The following PKHD1 variants were observed in gnomAD, a reference collection of about 807,000 sequenced individuals.
PKHD1 encodes the protein fibrocystin.
In PKHD1, 291 loss-of-function variants were observed where a neutral mutation model predicts 412.0. That is an observed-to-expected ratio of 0.71 (90% CI 0.64 to 0.78). PKHD1 has a LOEUF of 0.78. PKHD1 is among the 30% of genes least tolerant of loss of function. PKHD1 has a pLI of 0.00. For missense variants in PKHD1, 4,825 were observed against 4,950.7 expected (o/e 0.97, Z 0.76); for synonymous variants, 1,777 against 1,821.5 (o/e 0.98, Z 0.62).
chr6:51,727,915 G>GC (rs1782775717), intron 60 of PKHD1, among the ~76,000 whole-genome samples: 1 of 152,142 alleles, frequency 6.6e-6, no homozygotes, highest in Admixed American at 6.5e-5. Context: ...GTAGGGGAGA[G>GC]CCCTCTTCTG....
chr6:52,039,698 T>A lies in PKHD1; in HGVS notation c.3097+3161A>T, dbSNP rs186540194. On this transcript the variant is annotated intron_variant, in intron 27 of 66. Transcript: ENST00000371117. ...AGCCATTTTGGAAACAGTTTGGCAA[T>A]CCTTCAAGAAGTTAAACATGGAGTT... Among the ~76,000 whole-genome samples the A allele has an allele frequency of 5.3e-5, 8 of 152,366 alleles. No homozygotes were observed. In the East Asian group the frequency reaches 1.3e-3, roughly 26 times the overall value.
At chr6:52,030,273 G>C (rs755557822) in intron 29 of PKHD1, among the ~76,000 whole-genome samples, 1 of 152,188 alleles carries the variant, frequency 6.6e-6, no homozygotes, top group Non-Finnish European at 1.5e-5. Context: ...GACTTTGGGT[G>C]ATTTACTTAC....
rs751304560 is a variant in PKHD1 at position 52,045,011 on chromosome 6, T to A, written c.2670A>T (p.Gly890=). The A allele has an allele frequency of 2.0e-5, 32 of 1,613,600 alleles. No individual in the cohort carries two copies. Among genetic ancestry groups the A allele is most frequent in the Middle Eastern group, 3.3e-4 (2 of 6,084 alleles). The change falls in exon 25 of 67, where the codon GGA becomes GGT. Residue 890 remains glycine, a synonymous_variant. Transcript: ENST00000371117. ...RVVYDGGVFL[G]PIFGDMLATA... The stretch of plus-strand genomic sequence containing the variant: ...TAGCCAACATGTCTCCAAATATGGG[T>A]CCAAGAAAAACTCCACCATCATATA...
Position 51,756,129 on chromosome 6 carries a change from G to A in PKHD1, c.8643-1191C>T, listed in dbSNP as rs1463906283. On this transcript the variant is annotated intron_variant, in intron 55 of 66. Transcript: ENST00000371117. ...ATTAATTCACATCTACGTACCTAAG[G>A]TTGGAGAAAGAGTCATAGAGAAGAC... Among the ~76,000 whole-genome samples the A allele has an allele frequency of 1.3e-5, 2 of 152,168 alleles. 1 individual carries two copies. Among genetic ancestry groups the A allele is most frequent in the South Asian group, 4.2e-4 (2 of 4,814 alleles).
Position 51,845,630 on chromosome 6 carries a change from T to C in PKHD1, c.8107+2145A>G, listed in dbSNP as rs140317420. Among the ~76,000 whole-genome samples, 382 of 152,344 alleles carry C rather than the reference T, an allele frequency of 2.5e-3. 4 individuals carry two copies. Among genetic ancestry groups the C allele is most frequent in the African/African-American group, 8.2e-3 (342 of 41,578 alleles). ...AATAGAAGTGTTTTATACTAAGACA[T>C]TCATTTATATCATACATATGCACAG... On this transcript the variant is annotated intron_variant, in intron 50 of 66. Transcript: ENST00000371117.
intron 53 of PKHD1, among the ~76,000 whole-genome samples, chr6:51,784,965 A>G (rs1423901637): frequency 6.6e-6 from 1 of 152,140 alleles, no homozygotes; most frequent in African/African-American, 2.4e-5. Context: ...TTCCTATTTA[A>G]TTTCTTTCAG....
intron 11 of PKHD1, among the ~76,000 whole-genome samples, chr6:52,067,381 C>T (rs1404940151): frequency 6.6e-6 from 1 of 152,068 alleles, no homozygotes; most frequent in Admixed American, 6.5e-5. Context: ...AGTTCTTAAA[C>T]TTTTAACATA....
chr6:51,765,539 C>A (rs1562262071), intron 55 of PKHD1, among the ~76,000 whole-genome samples: 1 of 152,068 alleles, frequency 6.6e-6, no homozygotes, highest in East Asian at 1.9e-4. Flanking sequence ...TGGTTCCCAC[C>A]CATCCTTCAG....
intron 60 of PKHD1, among the ~76,000 whole-genome samples, chr6:51,710,846 C>A (rs1562145636): frequency 6.6e-6 from 1 of 152,168 alleles, no homozygotes; most frequent in South Asian, 2.1e-4. Flanking sequence ...CCTAGAGATA[C>A]ACAGCTAGTA....
At chr6:51,750,336 T>G (rs1785893418) in intron 57 of PKHD1, among the ~76,000 whole-genome samples, 1 of 152,216 alleles carries the variant, frequency 6.6e-6, no homozygotes, top group South Asian at 2.1e-4. Flanking sequence ...CTGGCAAACC[T>G]GCTTCGTAGA....
At chr6:51,687,773 G>T (rs1265762414) in intron 60 of PKHD1, among the ~76,000 whole-genome samples, 1 of 152,150 alleles carries the variant, frequency 6.6e-6, no homozygotes, top group Non-Finnish European at 1.5e-5. Context: ...GATGCTCTTG[G>T]TGTTGGTAAT....
chr6:52,072,204 A>T lies in PKHD1; in HGVS notation c.528-15T>A, dbSNP rs1461547721. On this transcript the variant is annotated splice_polypyrimidine_tract_variant and intron_variant, in intron 7 of 66. Transcript: ENST00000371117. The stretch of plus-strand genomic sequence containing the variant: ...AGATCACTGGGCTGGATTTAAAAAA[A>T]AATGAAAACAAAAGACAAGAGATAA... 1 of 1,529,446 alleles carries T rather than the reference A, an allele frequency of 6.5e-7. No homozygotes were observed. The highest frequency in any genetic ancestry group is 9.1e-7 in the Non-Finnish European group (1 of 1,103,880). The allele number at this position is 1,529,446 out of a possible 1,614,324, so 94.7% of individuals were successfully genotyped here.
intron 36 of PKHD1, among the ~76,000 whole-genome samples, chr6:51,939,912 C>G (rs73431550): frequency 6.2e-4 from 94 of 151,704 alleles, no homozygotes; most frequent in African/African-American, 2.1e-3. Flanking sequence ...CCTCATCACA[C>G]CAGGTCTGGC....
chr6:51,811,804 A>T (rs6901606), intron 52 of PKHD1, among the ~76,000 whole-genome samples: 27,654 of 152,098 alleles, frequency 0.18, 2,585 homozygotes, highest in African/African-American at 0.22. Flanking sequence ...ACACATATTT[A>T]AAAAAATGTA....
intron 35 of PKHD1, among the ~76,000 whole-genome samples, chr6:51,996,023 T>G (rs77126337): frequency 2.6e-5 from 4 of 151,902 alleles, no homozygotes; most frequent in Non-Finnish European, 5.9e-5. Flanking sequence ...TTTTTTTTTT[T>G]GAAATGGAGT....
chr6:51,867,702 A>C (rs556905530), intron 48 of PKHD1, among the ~76,000 whole-genome samples, 161 bp downstream of exon 48: 85 of 152,196 alleles, frequency 5.6e-4, no homozygotes, highest in Non-Finnish European at 9.0e-4. Flanking sequence ...ACTACCATAC[A>C]CTCATGATTC....
At chr6:51,911,990 C>A (rs758157668) in intron 38 of PKHD1, 34 bp from the exon 39 acceptor site, 1 of 1,536,274 alleles carries the variant, frequency 6.5e-7, no homozygotes, top group South Asian at 1.1e-5. Context: ...GAACTGAGGA[C>A]ATCACTCCAA....
At chr6:52,072,322 T>C (rs1810743887) in intron 7 of PKHD1, 133 bp from the exon 8 acceptor site, 1 of 705,682 alleles carries the variant, frequency 1.4e-6, no homozygotes. Flanking sequence ...CTATTGCAGG[T>C]GGCTGAAGGC....
chr6:51,689,484 G>T (rs909529044), intron 60 of PKHD1, among the ~76,000 whole-genome samples: 2 of 152,190 alleles, frequency 1.3e-5, no homozygotes, highest in Non-Finnish European at 2.9e-5. Flanking sequence ...AGTACTGGAA[G>T]TTCTGGCCAG....
Sources: gnomAD v4.1 joint callset for allele counts (sites outside exome capture counted in the v4.1 genomes callset) on GRCh38, gnomAD v4.1.1 for gene constraint, MANE v1.5 for transcripts, NCBI Gene and HGNC (gene_info 2026-07-23, HGNC 2026-07-21) for gene names.